Variants in KIF13A observed in about 807,000 individuals in gnomAD.
The protein encoded by KIF13A is kinesin family member 13A, also known as kinesin-like protein KIF13A.
Under a neutral mutation model 212.2 loss-of-function variants are expected in KIF13A, and 79 were observed. The observed-to-expected ratio is 0.37, with a 90% CI of 0.31 to 0.45. The LOEUF is 0.45. Ranked by LOEUF, KIF13A falls within the 20% of genes least tolerant of loss-of-function variation. The probability of loss-of-function intolerance (pLI) is 1.00; values close to 1 mark genes in which losing one functional copy is unlikely to be tolerated. For synonymous variants in KIF13A, 789 were observed against 808.6 expected, an observed-to-expected ratio of 0.98 and a Z score of 0.41; for missense variants, 1,901 against 2,209.0, an observed-to-expected ratio of 0.86 and a Z score of 2.79.
chr6:17,790,683 T>G (rs940304434), intron 25 of KIF13A, among the ~76,000 whole-genome samples: 1 of 152,158 alleles, frequency 6.6e-6, no homozygotes, highest in Non-Finnish European at 1.5e-5. Context: ...AGGTCAGAAC[T>G]GTAAGCCATG....
rs966864200 is a variant in KIF13A, at chr6:17,959,936, C to A, written c.146+27118G>T. ...TACTTGGGAGCTGAGGCAGGAGAAT[C>A]GCTTGAACCCGGGAGGCGGAGGTTG... On this transcript the variant is annotated intron_variant, in intron 2 of 38. Transcript: ENST00000259711. 2.0e-5 allele frequency among the ~76,000 whole-genome samples: 3 copies of A among 151,762 alleles called. No individual in the cohort carries two copies. In the South Asian group the frequency reaches 6.2e-4, roughly 32 times the overall value.
rs1763214670 is a variant in KIF13A at position 17,809,045 on chromosome 6, A to C, written c.2001-115T>G. On this transcript the variant is annotated intron_variant, in intron 17 of 38. Coordinates refer to ENST00000259711, the MANE Select transcript of KIF13A (RefSeq NM_022113.6). The surrounding 1 kb of genome is among the most constrained non-coding windows in gnomAD (Gnocchi z 4.7). ...AACTCCTCTCGGGCAGTATTTTTCA[A>C]ACTATTTTACCAGACTACCTCTCAT... The C allele has an allele frequency of 1.0e-6, 1 of 999,534 alleles. No individual in the cohort carries two copies. The highest frequency in any genetic ancestry group is 1.7e-5 in the African/African-American group (1 of 60,586). The allele number at this position is 999,534 out of a possible 1,614,324, so 61.9% of individuals were successfully genotyped here. A position where few individuals can be genotyped will look rare whatever the true frequency, so the allele number is the denominator to read the frequency against.
intron 38 of KIF13A, among the ~76,000 whole-genome samples, chr6:17,766,189 A>T (rs916149680): frequency 6.6e-6 from 1 of 150,598 alleles, no homozygotes; most frequent in African/African-American, 2.4e-5. Context: ...TTAAGTTTGC[A>T]TTTTATTAAT....
At chr6:17,851,513 A>G (rs1767650798) in intron 7 of KIF13A, among the ~76,000 whole-genome samples, 1 of 152,248 alleles carries the variant, frequency 6.6e-6, no homozygotes, top group Admixed American at 6.5e-5. Flanking sequence ...GAGTAAATAA[A>G]GTAAAACAGG....
At chr6:17,955,972 C>T (rs781580315) in intron 2 of KIF13A, among the ~76,000 whole-genome samples, 3 of 152,280 alleles carry the variant, frequency 2.0e-5, no homozygotes, top group South Asian at 2.1e-4. Context: ...GAAAAGACTG[C>T]CATATTTTCC....
chr6:17,764,546 T>G lies in KIF13A; in HGVS notation c.4982A>C (p.Lys1661Thr), dbSNP rs1183493987. Residue 1661 changes from lysine to threonine, a missense_variant, in exon 39 of 39, where the codon AAG (lysine) becomes ACG (threonine). Physicochemically the swap from Lys to Thr is moderately conservative, Grantham distance 78 (BLOSUM62 -1). Around this residue, in one of 5 missense-constraint regions of KIF13A, gnomAD observed 687 missense variants for 759.1 expected, o/e 0.90. Transcript: ENST00000259711. This position sits in a 1 kb window ranked among gnomAD's most constrained non-coding sequence, Gnocchi z 5.1. ...ELTEVEKGLV[K>T]DKIIVVPLKE... The stretch of plus-strand genomic sequence containing the variant: ...GAGTGGCACCACAATTATCTTGTCC[T>G]TTACCAAGCCTTTTTCGACTTCTGT... 6.2e-7 allele frequency: 1 copy of G among 1,613,990 alleles called. No individual in the cohort carries two copies. Among genetic ancestry groups the G allele is most frequent in the Admixed American group, 1.7e-5 (1 of 60,018 alleles).
chr6:17,828,428 T>G lies in KIF13A; in HGVS notation c.1402-58A>C. 6.8e-7 allele frequency: 1 copy of G among 1,477,360 alleles called. No individual in the cohort carries two copies. The highest frequency in any genetic ancestry group is 1.2e-5 in the South Asian group (1 of 81,900). The allele number at this position is 1,477,360 out of a possible 1,614,324, so 91.5% of individuals were successfully genotyped here. A position where few individuals can be genotyped will look rare whatever the true frequency, so the allele number is the denominator to read the frequency against. ...ACATTTATGAGTAACTCAGCAAAAA[T>G]GTATCACAATCAATTTGAATAACGC... On this transcript the variant is annotated intron_variant, in intron 13 of 38. Coordinates refer to ENST00000259711, the MANE Select transcript of KIF13A (RefSeq NM_022113.6). The surrounding 1 kb of genome is among the most constrained non-coding windows in gnomAD (Gnocchi z 4.3).
chr6:17,886,919 TAGA>T lies in KIF13A; in HGVS notation c.159+11246_159+11248del, dbSNP rs1355562401. On this transcript the variant is annotated intron_variant, in intron 3 of 38. Transcript: ENST00000259711. This position sits in a 1 kb window ranked among gnomAD's most constrained non-coding sequence, Gnocchi z 5.6. ...AAAAAAAAAAGTCTTGGGAAATTTT[TAGA>T]AGGATGATTTATAATGACAAAGTGT... Among the ~76,000 whole-genome samples, 1 of 152,160 alleles carries T rather than the reference TAGA, an allele frequency of 6.6e-6. No individual in the cohort carries two copies. Among genetic ancestry groups the T allele is most frequent in the African/African-American group, 2.4e-5 (1 of 41,428 alleles).
chr6:17,813,557 T>C (rs891385338), intron 17 of KIF13A, among the ~76,000 whole-genome samples: 7 of 152,272 alleles, frequency 4.6e-5, no homozygotes, highest in Non-Finnish European at 7.4e-5. Context: ...GATGAGCAGG[T>C]AGCTCCTGGG....
intron 3 of KIF13A, among the ~76,000 whole-genome samples, chr6:17,891,357 C>T (rs1262667018): frequency 1.3e-5 from 2 of 152,150 alleles, no homozygotes; most frequent in Non-Finnish European, 2.9e-5. Context: ...ATGTACATTT[C>T]CCTTGTATTC....
chr6:17,921,572 T>A (rs1324034716), intron 2 of KIF13A, among the ~76,000 whole-genome samples: 2 of 152,210 alleles, frequency 1.3e-5, no homozygotes, highest in African/African-American at 4.8e-5. Context: ...ATCATTTCCA[T>A]TGGGGTATTT....
rs1194325599 is a variant in KIF13A at position 17,858,123 on chromosome 6, A to G, written c.221-2001T>C. ...TGTGTGTGTGTGTGTGCATGCACGC[A>G]TGTGTGTGTGTGTGTGTGAGAGAGA... On this transcript the variant is annotated intron_variant, in intron 4 of 38. Transcript: ENST00000259711. Among the ~76,000 whole-genome samples, 6 of 137,968 alleles carry G rather than the reference A, an allele frequency of 4.3e-5. No homozygotes were observed. The East Asian group carries it at 7.1e-4, about 16-fold the overall frequency. 90.5% of individuals were successfully genotyped at this position (137,968 alleles called of 152,430 possible). A position where few individuals can be genotyped will look rare whatever the true frequency, so the allele number is the denominator to read the frequency against.
chr6:17,958,558 C>T lies in KIF13A; in HGVS notation c.146+28496G>A, dbSNP rs933310783. On this transcript the variant is annotated intron_variant, in intron 2 of 38. Transcript: ENST00000259711. The stretch of plus-strand genomic sequence containing the variant: ...AAAAGTATTCTCTATAGATGTAGTA[C>T]AGCTGTTATTTGAATTGTGACACGC... Among the ~76,000 whole-genome samples the T allele has an allele frequency of 4.6e-5, 7 of 152,260 alleles. No homozygotes were observed. In the South Asian group the frequency reaches 1.5e-3, roughly 32 times the overall value.
intron 2 of KIF13A, chr6:17,953,488 G>A (rs1778057593): frequency 6.6e-6 from 1 of 152,192 alleles, no homozygotes. Context: ...AAATTCCTTG[G>A]GTTCTTTCTC....
chr6:17,796,097 T>C (rs1183443805), intron 23 of KIF13A, among the ~76,000 whole-genome samples: 1 of 152,042 alleles, frequency 6.6e-6, no homozygotes, highest in African/African-American at 2.4e-5. Flanking sequence ...TCATTCTCAT[T>C]TTACAAACGA....
chr6:17,957,226 G>C (rs1168038194), intron 2 of KIF13A, among the ~76,000 whole-genome samples: 3 of 152,002 alleles, frequency 2.0e-5, no homozygotes, highest in African/African-American at 7.2e-5. Flanking sequence ...TATATAACAA[G>C]ACCTCCATAA....
intron 16 of KIF13A, chr6:17,821,904 A>G: frequency 6.5e-7 from 1 of 1,535,466 alleles, no homozygotes; most frequent in South Asian, 1.2e-5. Context: ...TCGGGAAGCC[A>G]CCTAGCAGTA....
intron 4 of KIF13A, among the ~76,000 whole-genome samples, chr6:17,860,487 G>A (rs1768649365): frequency 6.6e-6 from 1 of 151,970 alleles, no homozygotes; most frequent in African/African-American, 2.4e-5. Context: ...GTGCCTGGCT[G>A]GCACAATTTT....
Position 17,915,949 on chromosome 6 carries a change from A to T in KIF13A, c.147-17769T>A, listed in dbSNP as rs112508054. 0.033 allele frequency among the ~76,000 whole-genome samples: 4,180 copies of T among 125,490 alleles called. 214 individuals carry two copies. Among genetic ancestry groups the T allele is most frequent in the African/African-American group, 0.13 (3,940 of 29,386 alleles). The allele number at this position is 125,490 out of a possible 152,430, so 82.3% of individuals were successfully genotyped here. A position where few individuals can be genotyped will look rare whatever the true frequency, so the allele number is the denominator to read the frequency against. Reference sequence around the variant, plus strand: ...GAGAGCCAGTCTCAAAAAAAAAAATAAAAATAAAAATAAAATAAAATAAAA... The same window carrying T: ...GAGAGCCAGTCTCAAAAAAAAAAATTAAAATAAAAATAAAATAAAATAAAA... On this transcript the variant is annotated intron_variant, in intron 2 of 38. Coordinates refer to ENST00000259711, the MANE Select transcript of KIF13A (RefSeq NM_022113.6). This position sits in a 1 kb window ranked among gnomAD's most constrained non-coding sequence, Gnocchi z 4.4.
Sources: allele counts gnomAD v4.1 joint callset (sites outside exome capture counted in the v4.1 genomes callset), GRCh38; gene constraint gnomAD v4.1.1; regional missense constraint gnomAD v4.1.1; non-coding constraint Gnocchi (gnomAD v3.1); transcripts MANE v1.5; gene names NCBI Gene and HGNC (gene_info 2026-07-23, HGNC 2026-07-21).